The following AGBL1 variants were observed in gnomAD, a reference collection of about 807,000 sequenced individuals.
The protein encoded by AGBL1 is AGBL carboxypeptidase 1.
In AGBL1, 130 loss-of-function variants were observed where a neutral mutation model predicts 118.9. The observed-to-expected ratio is 1.09, with a 90% CI of 0.95 to 1.26. AGBL1 has a LOEUF of 1.26. Among genes scored for constraint, AGBL1 ranks in the 50% most tolerant of loss-of-function variants. The probability of loss-of-function intolerance (pLI) is 0.00; values close to 1 mark genes in which losing one functional copy is unlikely to be tolerated. For synonymous variants in AGBL1, 555 were observed against 478.9 expected, an observed-to-expected ratio of 1.16 and a Z score of -2.08; for missense variants, 1,584 against 1,298.1, an observed-to-expected ratio of 1.22 and a Z score of -3.38.
At chr15:86,410,170 G>C (rs192582997) in intron 18 of AGBL1, among the ~76,000 whole-genome samples, 1 of 152,250 alleles carries the variant, frequency 6.6e-6, no homozygotes, top group African/African-American at 2.4e-5. Context: ...AGGAAGCATA[G>C]CTCTGAGAAC....
At chr15:86,268,456 T>C (rs563149066) in intron 13 of AGBL1, among the ~76,000 whole-genome samples, 1 of 152,162 alleles carries the variant, frequency 6.6e-6, no homozygotes, top group Non-Finnish European at 1.5e-5. Context: ...GGTGGAACAG[T>C]TATCAGATCA....
chr15:86,274,429 A>G (rs2079212406), intron 15 of AGBL1, among the ~76,000 whole-genome samples: 2 of 152,180 alleles, frequency 1.3e-5, no homozygotes, highest in Admixed American at 1.3e-4. Context: ...TCATCAATAG[A>G]TGGCTTCTAA....
In AGBL1 at chr15:86,942,424, TAA is replaced by T. The variant is rs567698226; in HGVS notation, c.3222-45560_3222-45559del. ...TCCGAGGGTTTTAGAATTGTTTCAG[TAA>T]AAGATATGTTTACATTCTGAACTTG... On this transcript the variant is annotated intron_variant, in intron 23 of 24. Transcript: ENST00000441037. Among the ~76,000 whole-genome samples, 49 of 152,290 alleles carry T rather than the reference TAA, an allele frequency of 3.2e-4. 1 individual carries two copies. The East Asian group carries it at 9.1e-3, about 28-fold the overall frequency.
intron 22 of AGBL1, among the ~76,000 whole-genome samples, chr15:86,776,831 G>GT (rs1203696720): frequency 4.0e-5 from 6 of 148,726 alleles, no homozygotes; most frequent in South Asian, 2.2e-4. Flanking sequence ...AATAAAACAG[G>GT]TTTTTTTAAA....
intron 5 of AGBL1, among the ~76,000 whole-genome samples, chr15:86,209,665 T>C (rs1381569633): frequency 6.6e-6 from 1 of 152,138 alleles, no homozygotes; most frequent in African/African-American, 2.4e-5. Context: ...TCCGTTTGCT[T>C]GGTAGATCTT....
intron 22 of AGBL1, among the ~76,000 whole-genome samples, chr15:86,752,392 C>A (rs1433395592): frequency 6.6e-6 from 1 of 152,100 alleles, no homozygotes; most frequent in African/African-American, 2.4e-5. Flanking sequence ...GTGTCTTAAT[C>A]CATCCAGATT....
chr15:86,314,010 G>C (rs993848560), intron 17 of AGBL1, among the ~76,000 whole-genome samples: 2 of 152,308 alleles, frequency 1.3e-5, no homozygotes, highest in South Asian at 4.1e-4. Flanking sequence ...GGTGATATCA[G>C]AATCATAAAC....
chr15:86,731,633 G>GC (rs1365892159), intron 22 of AGBL1, among the ~76,000 whole-genome samples: 1 of 152,166 alleles, frequency 6.6e-6, no homozygotes, highest in South Asian at 2.1e-4. Context: ...AGACTTGAAA[G>GC]CCAACAAGAT....
chr15:86,416,422 G>T (rs2081696207), intron 18 of AGBL1, among the ~76,000 whole-genome samples: 1 of 152,158 alleles, frequency 6.6e-6, no homozygotes, highest in South Asian at 2.1e-4. Flanking sequence ...GTCCTGATCA[G>T]GCTGGGCTTC....
chr15:86,729,929 C>T (rs1242358518), intron 22 of AGBL1, among the ~76,000 whole-genome samples: 1 of 152,166 alleles, frequency 6.6e-6, no homozygotes. Context: ...ACCTCAGCAA[C>T]ATCTGTTATT....
chr15:86,521,665 T>C (rs546395183), intron 18 of AGBL1, among the ~76,000 whole-genome samples: 238 of 152,178 alleles, frequency 1.6e-3, no homozygotes, highest in Non-Finnish European at 2.7e-3. Context: ...CCAAGACCTA[T>C]GTATGATAAG....
At chr15:86,103,512 C>G (rs1011897709) in intron 1 of AGBL1, among the ~76,000 whole-genome samples, 5 of 152,060 alleles carry the variant, frequency 3.3e-5, no homozygotes, top group African/African-American at 1.2e-4. Context: ...TAGGGGAGGG[C>G]TTTTTCCTGA....
intron 22 of AGBL1, among the ~76,000 whole-genome samples, chr15:86,737,421 T>G (rs1952032377): frequency 6.6e-6 from 1 of 152,230 alleles, no homozygotes; most frequent in Non-Finnish European, 1.5e-5. Flanking sequence ...TCACAACATC[T>G]CTACAAAGTG....
downstream of AGBL1, among the ~76,000 whole-genome samples, chr15:87,029,761 T>C (rs2081767529): frequency 6.6e-6 from 1 of 151,834 alleles, no homozygotes; most frequent in African/African-American, 2.4e-5. Context: ...ATTTCATAAC[T>C]CACAACAGCT....
At chr15:86,754,674 A>G (rs1163259563) in intron 22 of AGBL1, among the ~76,000 whole-genome samples, 1 of 152,048 alleles carries the variant, frequency 6.6e-6, no homozygotes, top group African/African-American at 2.4e-5. Flanking sequence ...CCTCAGTGAC[A>G]TCTTCCACTC....
At chr15:86,687,597 C>T (rs994776972) in intron 22 of AGBL1, among the ~76,000 whole-genome samples, 2 of 152,064 alleles carry the variant, frequency 1.3e-5, no homozygotes, top group Non-Finnish European at 2.9e-5. Flanking sequence ...AAATCATGGC[C>T]TGTGAATAGA....
intron 23 of AGBL1, among the ~76,000 whole-genome samples, chr15:86,940,693 G>C (rs1394984344): frequency 6.6e-6 from 1 of 152,188 alleles, no homozygotes; most frequent in Non-Finnish European, 1.5e-5. Flanking sequence ...AATCTGGAGG[G>C]AGAGATAGGC....
At position 86,254,339 on chromosome 15, in the gene AGBL1, A is replaced by T. The variant is rs572074260; in HGVS notation, c.736-2514A>T. Among the ~76,000 whole-genome samples, 4 of 152,360 alleles carry T rather than the reference A, an allele frequency of 2.6e-5. No individual in the cohort carries two copies. The South Asian group carries it at 6.2e-4, about 24-fold the overall frequency. ...TATTATCTCCACTTTGCAGATGAAG[A>T]CACTGTGGCACAGAGAAGTGTATTA... On this transcript the variant is annotated intron_variant, in intron 7 of 22. Transcript: ENST00000614907.
chr15:86,525,399 C>T (rs2083249471), intron 19 of AGBL1, among the ~76,000 whole-genome samples: 2 of 152,106 alleles, frequency 1.3e-5, no homozygotes, highest in Middle Eastern at 3.4e-3. Context: ...AAAAACAATC[C>T]TAAAATTTAT....
Sources: gnomAD v4.1 joint callset for allele counts (sites outside exome capture counted in the v4.1 genomes callset) on GRCh38, gnomAD v4.1.1 for gene constraint, MANE v1.5 for transcripts, NCBI Gene and HGNC (gene_info 2026-07-23, HGNC 2026-07-21) for gene names.